The following SLC28A2 variants were observed in gnomAD, a reference collection of about 807,000 sequenced individuals.
The protein encoded by SLC28A2 is solute carrier family 28 member 2.
Under a neutral mutation model 72.9 loss-of-function variants are expected in SLC28A2, and 69 were observed. That is an observed-to-expected ratio of 0.95 (90% CI 0.78 to 1.16). SLC28A2 has a LOEUF of 1.16. SLC28A2 is among the 50% of genes most tolerant of loss of function. The probability of loss-of-function intolerance (pLI) is 0.00; values close to 1 mark genes in which losing one functional copy is unlikely to be tolerated. For synonymous variants in SLC28A2, 296 were observed against 294.1 expected (o/e 1.01, Z -0.07); for missense variants, 745 against 791.1 (o/e 0.94, Z 0.70).
At chr15:45,252,351 T>C in intron 1 of SLC28A2, 73 bp downstream of exon 1, 1 of 454,158 alleles carries the variant, frequency 2.2e-6, no homozygotes, top group Non-Finnish European at 4.4e-6. Flanking sequence ...TTAAACTAAA[T>C]GCAGGTAGTT....
intron 4 of SLC28A2, among the ~76,000 whole-genome samples, chr15:45,262,430 G>A (rs1452356340): frequency 6.6e-6 from 1 of 152,136 alleles, no homozygotes; most frequent in Non-Finnish European, 1.5e-5. Flanking sequence ...ACAGAAGCCT[G>A]TATTATACCT....
intron 3 of SLC28A2, among the ~76,000 whole-genome samples, chr15:45,256,407 G>T (rs1338427142): frequency 6.6e-6 from 1 of 151,620 alleles, no homozygotes; most frequent in Admixed American, 6.6e-5. Flanking sequence ...ATATTTCTAC[G>T]TGTGATTTTC....
Position 45,268,216 on chromosome 15 carries a change from G to A in SLC28A2, c.1206G>A (p.Glu402=), listed in dbSNP as rs754702455. 1.9e-6 allele frequency: 3 copies of A among 1,601,442 alleles called. No homozygotes were observed. Among genetic ancestry groups the A allele is most frequent in the Admixed American group, 1.7e-5 (1 of 59,782 alleles). Residue 402 remains glutamate (E), a synonymous_variant, in exon 13 of 18, where the codon GAG becomes GAA. Coordinates refer to ENST00000347644, the MANE Select transcript of SLC28A2 (RefSeq NM_004212.4). ...CTCTGCCCAATAACCACAGGAAGGA[G>A]AGGAATGTCCTGGAAGCTGCCAGCA... The part of the protein sequence containing the change: ...EEGVKLPRGK[E]RNVLEAASNG...
chr15:45,264,147 T>C, intron 6 of SLC28A2, 125 bp downstream of exon 6: 1 of 886,768 alleles, frequency 1.1e-6, no homozygotes, highest in Non-Finnish European at 1.6e-6. Context: ...ACCCCTAGAA[T>C]TTGCCTCTTT....
At chr15:45,258,881 A>C (rs934213999) in intron 3 of SLC28A2, among the ~76,000 whole-genome samples, 1 of 152,230 alleles carries the variant, frequency 6.6e-6, no homozygotes, top group Non-Finnish European at 1.5e-5. Context: ...TTGCCATGCT[A>C]TAGGGTATGT....
chr15:45,265,546 T>A (rs370809186), intron 8 of SLC28A2, 37 bp from the exon 9 acceptor site: 766 of 1,399,186 alleles, frequency 5.5e-4, no homozygotes, highest in Non-Finnish European at 7.6e-4. Context: ...GAGTATGCAA[T>A]GTAACATCTC....
At chr15:45,270,393 G>T (rs1900511226) in intron 15 of SLC28A2, 117 bp downstream of exon 15, 1 of 754,518 alleles carries the variant, frequency 1.3e-6, no homozygotes, top group Admixed American at 2.1e-5. Context: ...ATTGTGAAAT[G>T]GGCCCATTTC....
At chr15:45,253,123 T>C (rs774936626) in intron 1 of SLC28A2, 77 bp from the exon 2 acceptor site, 29 of 867,864 alleles carry the variant, frequency 3.3e-5, no homozygotes, top group African/African-American at 6.6e-5. Flanking sequence ...CATGGGTAAC[T>C]GGTCCTAAAA....
At chr15:45,256,082 T>G (rs1899969528) in intron 3 of SLC28A2, 1 of 152,236 alleles carries the variant, frequency 6.6e-6, no homozygotes, top group South Asian at 2.1e-4. Context: ...CACCTTAAAC[T>G]GCTCTGATAT....
At chr15:45,264,453 T>C (rs1436929758) in intron 6 of SLC28A2, among the ~76,000 whole-genome samples, 1 of 152,256 alleles carries the variant, frequency 6.6e-6, no homozygotes, top group African/African-American at 2.4e-5. Context: ...GACACATTTT[T>C]TAAAAACCTT....
At chr15:45,256,641 T>G (rs1452610237) in intron 3 of SLC28A2, among the ~76,000 whole-genome samples, 3 of 151,516 alleles carry the variant, frequency 2.0e-5, no homozygotes, top group Non-Finnish European at 4.4e-5. Context: ...ACTCCTGACC[T>G]CAGGTGATCT....
chr15:45,270,098 G>C, intron 14 of SLC28A2, 97 bp from the exon 15 acceptor site: 1 of 807,326 alleles, frequency 1.2e-6, no homozygotes, highest in Non-Finnish European at 2.1e-6. Flanking sequence ...CCATGGAAAA[G>C]ACTGGGGGCT....
At chr15:45,272,024 G>C (rs1055456502) in intron 15 of SLC28A2, 1 of 373,152 alleles carries the variant, frequency 2.7e-6, no homozygotes, top group African/African-American at 2.1e-5. Context: ...GCTTTATCCA[G>C]ATACATCTTG....
chr15:45,267,722 C>T lies in SLC28A2; in HGVS notation c.1125C>T (p.Ala375=), dbSNP rs1389690785. 1.2e-6 allele frequency: 2 copies of T among 1,614,068 alleles called. No individual in the cohort carries two copies. ...TGATGGCCGCCCCTTGTGCTCTCGC[C>T]TCATCAAAGCTAGCGTATCCGGAAG... ...ASVMAAPCAL[A]SSKLAYPEVE... The change falls in exon 12 of 18, where the codon GCC becomes GCT. Residue 375 remains alanine (A), a synonymous_variant. Coordinates refer to ENST00000347644, the MANE Select transcript of SLC28A2 (RefSeq NM_004212.4).
chr15:45,272,522 G>T, intron 16 of SLC28A2, 129 bp downstream of exon 16: 2 of 841,342 alleles, frequency 2.4e-6, no homozygotes, highest in South Asian at 3.2e-5. Context: ...ATGACAGGCT[G>T]TCTTTCAGAA....
intron 10 of SLC28A2, 32 bp downstream of exon 10, chr15:45,266,193 CCT>C (rs1462774977): frequency 6.8e-7 from 1 of 1,462,850 alleles, no homozygotes; most frequent in Admixed American, 1.7e-5. Context: ...GGTCTTCTTC[CCT>C]CTGAGGAACT....
At chr15:45,261,609 A>G (rs1204625078) in intron 3 of SLC28A2, among the ~76,000 whole-genome samples, 1 of 152,202 alleles carries the variant, frequency 6.6e-6, no homozygotes, top group African/African-American at 2.4e-5. Context: ...CTGACTGTTC[A>G]AGGCCATAGG....
At chr15:45,267,871 C>G in intron 12 of SLC28A2, 75 bp downstream of exon 12, 7 of 1,512,102 alleles carry the variant, frequency 4.6e-6, no homozygotes, top group South Asian at 1.1e-5. Flanking sequence ...GCAGAGACTT[C>G]AAGTCTCCCT....
At chr15:45,275,197 A>G (rs1900713177) in intron 17 of SLC28A2, among the ~76,000 whole-genome samples, 199 bp from the exon 18 acceptor site, 2 of 152,226 alleles carry the variant, frequency 1.3e-5, no homozygotes, top group African/African-American at 2.4e-5. Context: ...ACAGACACAC[A>G]TGGTTTATGG....
Sources: gnomAD v4.1 joint callset for allele counts (sites outside exome capture counted in the v4.1 genomes callset) on GRCh38, gnomAD v4.1.1 for gene constraint, MANE v1.5 for transcripts, NCBI Gene and HGNC (gene_info 2026-07-23, HGNC 2026-07-21) for gene names.